Variants in GPC6 observed in about 807,000 individuals in gnomAD.
GPC6 encodes the protein glypican 6.
A neutral mutation model predicts 55.2 loss-of-function variants in GPC6; 14 were observed. The ratio of observed to expected loss-of-function variants is 0.25; its 90% CI spans 0.17 to 0.40. The LOEUF is 0.40. Among genes scored for constraint, GPC6 ranks in the 10% least tolerant of loss-of-function variants. GPC6 has a pLI of 1.00. For missense variants in GPC6, 641 were observed against 708.5 expected, an observed-to-expected ratio of 0.90 and a Z score of 1.08; for synonymous variants, 278 against 259.6, an observed-to-expected ratio of 1.07 and a Z score of -0.68.
chr13:93,801,654 A>G (rs1886374361), intron 2 of GPC6, among the ~76,000 whole-genome samples: 2 of 152,166 alleles, frequency 1.3e-5, no homozygotes, highest in African/African-American at 4.8e-5. Context: ...AAAAAGAGAG[A>G]AAAATTGAAA....
intron 4 of GPC6, among the ~76,000 whole-genome samples, chr13:94,109,467 T>C (rs1218013784): frequency 6.6e-6 from 1 of 150,840 alleles, no homozygotes; most frequent in Non-Finnish European, 1.5e-5. Flanking sequence ...TTCAAGACTA[T>C]TTTAGTCTAC....
intron 3 of GPC6, among the ~76,000 whole-genome samples, chr13:93,864,215 T>C (rs552843858): frequency 1.3e-5 from 2 of 151,852 alleles, no homozygotes; most frequent in Non-Finnish European, 3.0e-5. Context: ...TATGTAGTCA[T>C]GTACTAGTTA....
intron 3 of GPC6, among the ~76,000 whole-genome samples, chr13:93,851,025 G>A (rs1435134347): frequency 6.6e-6 from 1 of 151,950 alleles, no homozygotes; most frequent in Non-Finnish European, 1.5e-5. Context: ...CTTTGAATAT[G>A]GCTTGAGAAT....
intron 1 of GPC6, among the ~76,000 whole-genome samples, chr13:93,509,180 C>T (rs1880848207): frequency 6.6e-6 from 1 of 152,170 alleles, no homozygotes; most frequent in African/African-American, 2.4e-5. Flanking sequence ...ACTAAAAGCA[C>T]ATCATGCTAC....
intron 1 of GPC6, among the ~76,000 whole-genome samples, chr13:93,296,680 G>A (rs531641028): frequency 8.5e-5 from 13 of 152,210 alleles, no homozygotes; most frequent in African/African-American, 3.1e-4. Flanking sequence ...ACAACTAACT[G>A]GACTATGTGG....
intron 2 of GPC6, among the ~76,000 whole-genome samples, chr13:93,584,153 T>C (rs937322945): frequency 1.6e-4 from 24 of 152,306 alleles, no homozygotes; most frequent in African/African-American, 5.5e-4. Flanking sequence ...AAGAGTCAAG[T>C]ACTTATTCCC....
intron 1 of GPC6, among the ~76,000 whole-genome samples, chr13:93,445,997 A>C (rs908323186): frequency 6.6e-6 from 1 of 152,216 alleles, no homozygotes; most frequent in South Asian, 2.1e-4. Flanking sequence ...AAGGTTGTCT[A>C]TCAGAATAAG....
intron 1 of GPC6, among the ~76,000 whole-genome samples, chr13:93,228,227 G>C (rs1875879494): frequency 6.6e-6 from 1 of 152,202 alleles, no homozygotes; most frequent in South Asian, 2.1e-4. Flanking sequence ...GGCGTTTCAA[G>C]GCTGGTTTGG....
intron 4 of GPC6, among the ~76,000 whole-genome samples, chr13:94,042,975 T>C (rs1883594240): frequency 6.6e-6 from 1 of 151,914 alleles, no homozygotes; most frequent in Non-Finnish European, 1.5e-5. Context: ...TTATATTCTA[T>C]GGGTATAATC....
At chr13:93,791,922 G>A (rs1168186721) in intron 2 of GPC6, among the ~76,000 whole-genome samples, 1 of 152,146 alleles carries the variant, frequency 6.6e-6, no homozygotes, top group Admixed American at 6.5e-5. Context: ...ATTAATTTTC[G>A]ATCTATAGTC....
At chr13:93,434,938 C>T (rs939996584) in intron 1 of GPC6, among the ~76,000 whole-genome samples, 1 of 152,106 alleles carries the variant, frequency 6.6e-6, no homozygotes, top group Admixed American at 6.6e-5. Flanking sequence ...ATCTCTTAAC[C>T]TGGTGATCCG....
At chr13:94,333,781 C>T (rs1439490670) in intron 6 of GPC6, among the ~76,000 whole-genome samples, 1 of 152,184 alleles carries the variant, frequency 6.6e-6, no homozygotes, top group African/African-American at 2.4e-5. Context: ...AATTACCATT[C>T]CCTTTCCACT....
At chr13:93,332,261 CTTTTT>C (rs202196621) in intron 1 of GPC6, among the ~76,000 whole-genome samples, 2 of 129,950 alleles carry the variant, frequency 1.5e-5, no homozygotes, top group Admixed American at 7.8e-5. Context: ...TTCTGTTTTT[CTTTTT>C]TTTTTTTTTT....
intron 4 of GPC6, among the ~76,000 whole-genome samples, chr13:94,242,602 G>A (rs1891086865): frequency 6.6e-6 from 1 of 152,052 alleles, no homozygotes; most frequent in Non-Finnish European, 1.5e-5. Context: ...ATTTTCAGCA[G>A]CCTTAATGTG....
intron 2 of GPC6, among the ~76,000 whole-genome samples, chr13:93,632,389 C>A (rs1019870485): frequency 1.1e-4 from 16 of 151,872 alleles, no homozygotes; most frequent in African/African-American, 3.6e-4. Flanking sequence ...GCAGGTGGAT[C>A]GCTTGAGCCC....
chr13:93,405,240 T>G (rs560228367), intron 1 of GPC6, among the ~76,000 whole-genome samples: 1 of 152,284 alleles, frequency 6.6e-6, no homozygotes, highest in South Asian at 2.1e-4. Context: ...AAATCCACTG[T>G]GTGGATCTAT....
At chr13:94,353,129 C>T (rs1425918199) in intron 6 of GPC6, among the ~76,000 whole-genome samples, 2 of 152,130 alleles carry the variant, frequency 1.3e-5, no homozygotes, top group Admixed American at 6.5e-5. Context: ...ATACGACTTA[C>T]AAGGAAGGGA....
At chr13:93,536,273 A>G (rs1882057952) in intron 1 of GPC6, among the ~76,000 whole-genome samples, 1 of 152,190 alleles carries the variant, frequency 6.6e-6, no homozygotes, top group Non-Finnish European at 1.5e-5. Flanking sequence ...ACCATTTTAC[A>G]GAGTATGTTT....
intron 4 of GPC6, among the ~76,000 whole-genome samples, chr13:94,129,346 A>G (rs1886934366): frequency 6.6e-6 from 1 of 152,074 alleles, no homozygotes; most frequent in South Asian, 2.1e-4. Flanking sequence ...TACATTTCCC[A>G]GGGTCCCTTG....
Sources: gnomAD v4.1 joint callset for allele counts (sites outside exome capture counted in the v4.1 genomes callset) on GRCh38, gnomAD v4.1.1 for gene constraint, MANE v1.5 for transcripts, NCBI Gene and HGNC (gene_info 2026-07-23, HGNC 2026-07-21) for gene names.